The following TMTC1 variants were observed in gnomAD, a reference collection of about 807,000 sequenced individuals.
TMTC1 encodes the protein transmembrane O-mannosyltransferase targeting cadherins 1.
In TMTC1, 73 loss-of-function variants were observed where a neutral mutation model predicts 104.8. The observed-to-expected ratio is 0.70, with a 90% CI of 0.58 to 0.85. TMTC1 has a LOEUF of 0.85. TMTC1 is among the 40% of genes least tolerant of loss of function. The probability of loss-of-function intolerance (pLI) is 0.00; values close to 1 mark genes in which losing one functional copy is unlikely to be tolerated. For missense variants in TMTC1, 1,035 were observed against 1,096.1 expected (o/e 0.94, Z 0.79); for synonymous variants, 434 against 428.7 (o/e 1.01, Z -0.15).
At chr12:29,531,051 G>C (rs75753944) in intron 11 of TMTC1, among the ~76,000 whole-genome samples, 5,677 of 152,168 alleles carry the variant, frequency 0.037, 359 homozygotes, top group African/African-American at 0.13. Flanking sequence ...TTACGCTTGT[G>C]TTAGACATTG....
chr12:29,625,409 G>A (rs1264993078), intron 6 of TMTC1, among the ~76,000 whole-genome samples: 1 of 152,168 alleles, frequency 6.6e-6, no homozygotes, highest in East Asian at 1.9e-4. Flanking sequence ...ATCAAGAAAA[G>A]TGAAACCAGG....
rs144638399 is a variant in TMTC1, at chr12:29,731,969, G to A, written c.938+19697C>T. Among the ~76,000 whole-genome samples the A allele has an allele frequency of 9.5e-3, 1,441 of 152,068 alleles. 9 individuals carry two copies. The highest frequency in any genetic ancestry group is 0.013 in the Non-Finnish European group (900 of 68,004). On this transcript the variant is annotated intron_variant, in intron 5 of 17. Coordinates refer to ENST00000539277, the MANE Select transcript of TMTC1 (RefSeq NM_001193451.2). Reference sequence around the variant, plus strand: ...TCCTATAAACAAAGATATGTATTATGATTATTTCTTTTGATCAGAATATTC... The same window carrying A: ...TCCTATAAACAAAGATATGTATTATAATTATTTCTTTTGATCAGAATATTC...
At chr12:29,768,146 C>A (rs867563436) in intron 1 of TMTC1, 71 bp from the exon 2 acceptor site, 4 of 1,041,228 alleles carry the variant, frequency 3.8e-6, no homozygotes, top group African/African-American at 1.6e-5. Flanking sequence ...GGAACACAGA[C>A]GGAATCCATC....
At position 29,751,850 on chromosome 12, in the gene TMTC1, G is replaced by A. The variant is rs117760435; in HGVS notation, c.754C>T (p.Arg252Cys). ...GGGCTCCCGGGCTGCTGTGGGCTGC[G>A]TGGACAGAGGGCCCCATTGCTCCTG... Reference protein sequence around the residue: ...DKSSNGALCPRSPQQPGSPQP... With the variant: ...DKSSNGALCPCSPQQPGSPQP... Residue 252 changes from arginine to cysteine, a missense_variant, in exon 5 of 18, where the codon CGC (arginine) becomes TGC (cysteine). By Grantham distance (180) the Arg-to-Cys change is radical. Coordinates refer to ENST00000539277, the MANE Select transcript of TMTC1 (RefSeq NM_001193451.2). 110 of 1,581,572 alleles carry A rather than the reference G, an allele frequency of 7.0e-5. No individual in the cohort carries two copies. Among genetic ancestry groups the A allele is most frequent in the Middle Eastern group, 1.9e-4 (1 of 5,376 alleles).
Position 29,672,719 on chromosome 12 carries a change from C to T in TMTC1, c.939-39383G>A, listed in dbSNP as rs1190752864. ...CAATAAATCCAGAAGCTCTCAGACA[C>T]ACGTACACACTGAGTTCTCTCAGGG... On this transcript the variant is annotated intron_variant, in intron 5 of 17. Coordinates refer to ENST00000539277, the MANE Select transcript of TMTC1 (RefSeq NM_001193451.2). Among the ~76,000 whole-genome samples, 3 of 152,306 alleles carry T rather than the reference C, an allele frequency of 2.0e-5. No homozygotes were observed. The East Asian group carries it at 5.8e-4, about 29-fold the overall frequency.
intron 7 of TMTC1, among the ~76,000 whole-genome samples, chr12:29,592,197 T>C (rs1946300275): frequency 6.6e-6 from 1 of 152,212 alleles, no homozygotes; most frequent in African/African-American, 2.4e-5. Flanking sequence ...TTTTAAAGAA[T>C]TCCCAATTTT....
intron 1 of TMTC1, among the ~76,000 whole-genome samples, chr12:29,778,248 G>T (rs1943757027): frequency 6.6e-6 from 1 of 152,152 alleles, no homozygotes; most frequent in African/African-American, 2.4e-5. Flanking sequence ...CCTTTCATTT[G>T]CTTAGTTTCC....
intron 5 of TMTC1, among the ~76,000 whole-genome samples, chr12:29,677,519 C>T (rs535817949): frequency 2.6e-5 from 4 of 152,174 alleles, no homozygotes; most frequent in Non-Finnish European, 4.4e-5. Context: ...ATCGTTATAC[C>T]GCGGTAGCCC....
chr12:29,514,342 T>G, intron 16 of TMTC1, 140 bp downstream of exon 16: 1 of 779,670 alleles, frequency 1.3e-6, no homozygotes, highest in Non-Finnish European at 1.9e-6. Context: ...ACTTCGTCAA[T>G]TAGTTAAAAA....
intron 6 of TMTC1, among the ~76,000 whole-genome samples, chr12:29,621,392 T>C (rs539463556): frequency 2.2e-4 from 34 of 152,348 alleles, no homozygotes; most frequent in African/African-American, 8.2e-4. Context: ...GGATCTATGG[T>C]AGTACAATGT....
At chr12:29,605,571 T>TAAAAAAAAAAAAAAAAAAAAAAAA (rs34353381) in intron 6 of TMTC1, among the ~76,000 whole-genome samples, 1 of 101,888 alleles carries the variant, frequency 9.8e-6, no homozygotes, top group Non-Finnish European at 2.0e-5. Flanking sequence ...CCAAAAAGGG[T>TAAAAAAAAAAAAAAAAAAAAAAAA]AAAAAAAAAA....
At chr12:29,612,762 A>G (rs936510950) in intron 6 of TMTC1, among the ~76,000 whole-genome samples, 4 of 152,184 alleles carry the variant, frequency 2.6e-5, no homozygotes, top group African/African-American at 9.7e-5. Context: ...GGACGTATAC[A>G]TATCCTCTGA....
chr12:29,608,240 C>T (rs967720234), intron 6 of TMTC1, among the ~76,000 whole-genome samples: 3 of 152,192 alleles, frequency 2.0e-5, no homozygotes, highest in Admixed American at 6.5e-5. Context: ...GGAGGGAACC[C>T]GATTCTGTAT....
intron 6 of TMTC1, among the ~76,000 whole-genome samples, chr12:29,631,854 T>A (rs929352797): frequency 2.6e-5 from 4 of 152,194 alleles, no homozygotes; most frequent in Non-Finnish European, 5.9e-5. Flanking sequence ...GGATTTCTCT[T>A]GTGCCAACAT....
intron 5 of TMTC1, among the ~76,000 whole-genome samples, chr12:29,694,234 T>C (rs116131143): frequency 1.8e-3 from 273 of 152,322 alleles, no homozygotes; most frequent in African/African-American, 6.4e-3. Context: ...AGAAGCAATC[T>C]CCTCAATGAT....
At chr12:29,547,390 T>C (rs1944970040) in intron 10 of TMTC1, among the ~76,000 whole-genome samples, 1 of 152,154 alleles carries the variant, frequency 6.6e-6, no homozygotes, top group African/African-American at 2.4e-5. Context: ...ACAGTATAAA[T>C]GAGTGGAGTT....
At chr12:29,630,537 T>C (rs1204610155) in intron 6 of TMTC1, among the ~76,000 whole-genome samples, 5 of 152,288 alleles carry the variant, frequency 3.3e-5, no homozygotes, top group African/African-American at 1.2e-4. Context: ...CCATGTCATA[T>C]AGCATACAGT....
chr12:29,755,645 C>CT, intron 4 of TMTC1, 64 bp downstream of exon 4: 23 of 877,620 alleles, frequency 2.6e-5, no homozygotes, highest in Non-Finnish European at 3.7e-5. Context: ...AGTTTGGAAA[C>CT]TATTAAGTAA....
At chr12:29,574,713 C>A (rs769878160) in intron 8 of TMTC1, among the ~76,000 whole-genome samples, 2 of 152,284 alleles carry the variant, frequency 1.3e-5, no homozygotes, top group South Asian at 4.1e-4. Flanking sequence ...TTGTTTTATA[C>A]GGGCACCACC....
Sources: allele counts gnomAD v4.1 joint callset (sites outside exome capture counted in the v4.1 genomes callset), GRCh38; gene constraint gnomAD v4.1.1; transcripts MANE v1.5; gene names NCBI Gene and HGNC (gene_info 2026-07-23, HGNC 2026-07-21).